The following WWP2 variants were observed in gnomAD, a reference collection of about 807,000 sequenced individuals.
WWP2 encodes NEDD4-like E3 ubiquitin-protein ligase WWP2.
WWP2 carries 57 observed loss-of-function variants against 121.0 expected under a neutral mutation model. The ratio of observed to expected loss-of-function variants is 0.47; its 90% confidence interval spans 0.38 to 0.59. The LOEUF (loss-of-function observed/expected upper bound fraction) is 0.59. Ranked by LOEUF, WWP2 falls within the 20% of genes least tolerant of loss-of-function variation. WWP2 has a pLI of 0.00. For missense variants in WWP2, 962 were observed against 1,158.9 expected (o/e 0.83, Z 2.47); for synonymous variants, 449 against 441.3 (o/e 1.02, Z -0.22).
chr16:69,833,517 TG>T (rs2056826909), intron 4 of WWP2, among the ~76,000 whole-genome samples: 2 of 152,250 alleles, frequency 1.3e-5, no homozygotes, highest in South Asian at 4.1e-4. Flanking sequence ...GCACAGTCCC[TG>T]GGGACTTCCC....
Position 69,925,253 on chromosome 16 carries a change from A to T in WWP2, c.1180-177A>T. 7.0e-7 allele frequency: 1 copy of T among 1,436,302 alleles called. No individual in the cohort carries two copies. Among genetic ancestry groups the T allele is most frequent in the South Asian group, 1.7e-5 (1 of 59,288 alleles). 89.0% of individuals were successfully genotyped at this position (1,436,302 alleles called of 1,614,324 possible). ...TTTTTGGTTTTTCTGTAAAAATCAA[A>T]ACAAAAAACAGAGACTTTTGAGAGG... On this transcript the variant is annotated intron_variant, in intron 10 of 23. Coordinates refer to ENST00000359154, the MANE Select transcript of WWP2 (RefSeq NM_001270454.2). The surrounding 1 kb of genome is among the most constrained non-coding windows in gnomAD (Gnocchi z 4.0).
At chr16:69,923,601 G>A (rs2151979820) in intron 10 of WWP2, among the ~76,000 whole-genome samples, 1 of 152,288 alleles carries the variant, frequency 6.6e-6, no homozygotes, top group African/African-American at 2.4e-5. Flanking sequence ...TGATTTCCCA[G>A]GAGAACCCTG....
chr16:69,811,355 C>T (rs181831188), intron 4 of WWP2, among the ~76,000 whole-genome samples: 54 of 151,992 alleles, frequency 3.6e-4, no homozygotes, highest in Admixed American at 3.4e-3. Flanking sequence ...ACCTGTAATC[C>T]CAGCATTTTG....
At chr16:69,772,102 C>T (rs2055430476) in intron 1 of WWP2, among the ~76,000 whole-genome samples, 1 of 151,428 alleles carries the variant, frequency 6.6e-6, no homozygotes, top group African/African-American at 2.4e-5. Context: ...GCTGGGATTA[C>T]AGGCACGCAC....
chr16:69,848,671 T>C (rs1452937370), intron 6 of WWP2, among the ~76,000 whole-genome samples: 1 of 148,938 alleles, frequency 6.7e-6, no homozygotes, highest in Non-Finnish European at 1.5e-5. Context: ...AGAAGCTATA[T>C]ATAGAGCCTT....
At chr16:69,924,454 A>G (rs925875445) in intron 10 of WWP2, among the ~76,000 whole-genome samples, 2 of 152,226 alleles carry the variant, frequency 1.3e-5, no homozygotes, top group Admixed American at 6.5e-5. Context: ...GAAAGGAAGA[A>G]AGAGTGGAAC....
rs769458291 is a variant in WWP2, at chr16:69,840,269, T to C, written c.478+6T>C. 1 of 1,610,740 alleles carries C rather than the reference T, an allele frequency of 6.2e-7. No individual in the cohort carries two copies. Among genetic ancestry groups the C allele is most frequent in the Non-Finnish European group, 8.5e-7 (1 of 1,178,606 alleles). ...TGGCAGTGCCCTGACAGATGGTGAG[T>C]GCCGCCCTGCTCCTCAGGACTGTGC... On this transcript the variant is annotated splice_donor_region_variant and intron_variant, in intron 5 of 23. Coordinates refer to ENST00000359154, the MANE Select transcript of WWP2 (RefSeq NM_001270454.2).
chr16:69,765,077 G>A (rs1360492172), intron 1 of WWP2, among the ~76,000 whole-genome samples: 5 of 151,992 alleles, frequency 3.3e-5, no homozygotes, highest in African/African-American at 9.7e-5. Flanking sequence ...AGTGGCGCCC[G>A]CCTGGCTACT....
chr16:69,881,173 C>T (rs1597101835), intron 7 of WWP2, among the ~76,000 whole-genome samples: 1 of 152,298 alleles, frequency 6.6e-6, no homozygotes, highest in Non-Finnish European at 1.5e-5. Flanking sequence ...CTTGGTACCC[C>T]ACTTTCCCGG....
intron 6 of WWP2, among the ~76,000 whole-genome samples, chr16:69,853,901 G>C (rs991689683): frequency 1.3e-5 from 2 of 152,200 alleles, no homozygotes; most frequent in Non-Finnish European, 2.9e-5. Context: ...CTCCCATGGT[G>C]GTCGGCTTTG....
At chr16:69,865,116 C>A (rs1355769381) in intron 6 of WWP2, among the ~76,000 whole-genome samples, 1 of 150,784 alleles carries the variant, frequency 6.6e-6, no homozygotes, top group Non-Finnish European at 1.5e-5. Flanking sequence ...GTGGCGTGAT[C>A]TCGGCTCACT....
chr16:69,919,918 C>G lies in WWP2; in HGVS notation c.1179+2035C>G, dbSNP rs575427604. ...AGTGATCCTCCCACCTCAGCCCCCTCAAGTAGCTGGGACTACAGGCATGCA... is the reference window on the plus strand; with the variant it reads ...AGTGATCCTCCCACCTCAGCCCCCTGAAGTAGCTGGGACTACAGGCATGCA... On this transcript the variant is annotated intron_variant, in intron 10 of 23. Coordinates refer to ENST00000359154, the MANE Select transcript of WWP2 (RefSeq NM_001270454.2). 3.4e-4 allele frequency among the ~76,000 whole-genome samples: 51 copies of G among 151,742 alleles called. 1 individual carries two copies. The South Asian group carries it at 5.4e-3, about 16-fold the overall frequency.
chr16:69,825,959 T>A (rs534287673), intron 4 of WWP2, among the ~76,000 whole-genome samples: 1 of 151,994 alleles, frequency 6.6e-6, no homozygotes, highest in African/African-American at 2.4e-5. Context: ...CTATGGAAAA[T>A]TTCAAACATA....
intron 4 of WWP2, among the ~76,000 whole-genome samples, chr16:69,815,602 G>A (rs1348117323): frequency 1.3e-5 from 2 of 151,736 alleles, no homozygotes; most frequent in African/African-American, 4.8e-5. Context: ...CGTGGCCAAT[G>A]TGGTGAAACC....
At chr16:69,885,252 T>A (rs1475121184) in intron 7 of WWP2, among the ~76,000 whole-genome samples, 1 of 152,198 alleles carries the variant, frequency 6.6e-6, no homozygotes, top group Non-Finnish European at 1.5e-5. Context: ...TTTTTAAAAT[T>A]GAGTAAAATG....
intron 7 of WWP2, among the ~76,000 whole-genome samples, chr16:69,878,753 A>G (rs74029732): frequency 0.02 from 2,974 of 152,248 alleles, 81 homozygotes; most frequent in African/African-American, 0.06. Context: ...TCCATAATTC[A>G]TCTAACCATT....
At chr16:69,913,638 T>C (rs971007185) in intron 9 of WWP2, among the ~76,000 whole-genome samples, 1 of 152,056 alleles carries the variant, frequency 6.6e-6, no homozygotes, top group African/African-American at 2.4e-5. Flanking sequence ...ATAATTGATA[T>C]CCTCAAAGAT....
intron 1 of WWP2, among the ~76,000 whole-genome samples, chr16:69,763,039 G>T (rs2038651190): frequency 6.6e-6 from 1 of 151,972 alleles, no homozygotes; most frequent in South Asian, 2.1e-4. Flanking sequence ...CCCTGAACGG[G>T]CCATCATCGA....
In WWP2 at chr16:69,939,817, G is replaced by T. The variant is rs773506844; in HGVS notation, c.2514-24G>T. The T allele has an allele frequency of 2.5e-6, 4 of 1,606,296 alleles. No individual in the cohort carries two copies. The African/African-American group carries it at 4.0e-5, about 16-fold the overall frequency. ...GAGCCCTGGCCTCCTAGGGCTGACT[G>T]TCGTGCTTCCCCACTCTCAATAGCT... On this transcript the variant is annotated intron_variant, in intron 23 of 23. Coordinates refer to ENST00000359154, the MANE Select transcript of WWP2 (RefSeq NM_001270454.2).
Sources: gnomAD v4.1 joint callset for allele counts (sites outside exome capture counted in the v4.1 genomes callset) on GRCh38, gnomAD v4.1.1 for gene constraint, Gnocchi (gnomAD v3.1) non-coding constraint, MANE v1.5 for transcripts, NCBI Gene and HGNC (gene_info 2026-07-23, HGNC 2026-07-21) for gene names.